TEN1: variants seen among roughly 807,000 people sequenced by gnomAD.
The protein encoded by TEN1 is CST complex subunit TEN1.
A neutral mutation model predicts 9.3 loss-of-function variants in TEN1; 6 were observed. The ratio of observed to expected loss-of-function variants is 0.65; its 90% confidence interval spans 0.35 to 1.27. The LOEUF is 1.27. Among genes scored for constraint, TEN1 ranks in the 50% most tolerant of loss-of-function variants. TEN1 has a pLI of 0.03. For synonymous variants in TEN1, 65 were observed against 65.6 expected (o/e 0.99, Z 0.04); for missense variants, 149 against 158.2 (o/e 0.94, Z 0.31).
At chr17:75,998,043 G>A (rs538509756) in intron 3 of TEN1, among the ~76,000 whole-genome samples, 1 of 151,958 alleles carries the variant, frequency 6.6e-6, no homozygotes, top group East Asian at 1.9e-4. Context: ...GTAGAGACAG[G>A]GTTTCACCAT....
chr17:75,998,167 T>C (rs1488709258), intron 3 of TEN1, among the ~76,000 whole-genome samples: 2 of 146,182 alleles, frequency 1.4e-5, no homozygotes, highest in African/African-American at 5.3e-5. Context: ...CCTTTTTTTT[T>C]CCTTTTTTTT....
intron 2 of TEN1, among the ~76,000 whole-genome samples, chr17:75,987,632 C>T (rs187712788): frequency 6.6e-6 from 1 of 152,140 alleles, no homozygotes; most frequent in East Asian, 1.9e-4. Context: ...GTATTTTAAC[C>T]TAGGCCAGGT....
intron 3 of TEN1, among the ~76,000 whole-genome samples, chr17:75,998,204 G>A (rs141773954): frequency 0.046 from 5,359 of 115,336 alleles, 342 homozygotes; most frequent in African/African-American, 0.16. Flanking sequence ...GTCTCATTCT[G>A]TTTCCCAGGC....
At position 75,991,554 on chromosome 17, in the gene TEN1, T is replaced by A. The variant is rs977512123; in HGVS notation, c.181T>A (p.Leu61Met). The change falls in exon 3 of 4, where the codon TTG becomes ATG. Residue 61 changes from leucine to methionine, a missense_variant. By Grantham distance (15) the Leu-to-Met change is conservative. Coordinates refer to ENST00000397640, the MANE Select transcript of TEN1 (RefSeq NM_001113324.3). ...DQHQVLVCTKLVEPFHAQVGS... is the reference protein window; with the variant it reads ...DQHQVLVCTKMVEPFHAQVGS... ...GCACCAGGTTCTTGTCTGTACCAAG[T>A]TGGTGGAGCCCTTCCACGCCCAGGT... The A allele has an allele frequency of 1.3e-6, 2 of 1,552,266 alleles. No individual in the cohort carries two copies. Among genetic ancestry groups the A allele is most frequent in the Admixed American group, 2.0e-5 (1 of 50,988 alleles).
intron 3 of TEN1, among the ~76,000 whole-genome samples, chr17:75,994,622 C>T (rs1028675545): frequency 1.3e-5 from 2 of 151,510 alleles, no homozygotes; most frequent in African/African-American, 2.4e-5. Context: ...GGATTACAGG[C>T]GCCTGCCACT....
chr17:76,000,177 G>A lies in TEN1; in HGVS notation c.287G>A (p.Cys96Tyr), dbSNP rs1286634889. The change falls in exon 4 of 4, where the codon TGT becomes TAT. Residue 96 changes from cysteine to tyrosine, a missense_variant. Physicochemically the swap from Cys to Tyr is radical, Grantham distance 194. Coordinates refer to ENST00000397640, the MANE Select transcript of TEN1 (RefSeq NM_001113324.3). This position sits in a 1 kb window ranked among gnomAD's most constrained non-coding sequence, Gnocchi z 5.9. ...GSVVKARVLT[C>Y]VEGMNLPLLE... is the part of the protein sequence containing the mutation. ...GTGGTGAAGGCGCGCGTGCTGACCT[G>A]TGTGGAGGGGATGAACCTGCCCTTG... The A allele has an allele frequency of 6.4e-7, 1 of 1,551,568 alleles. No individual in the cohort carries two copies. Among genetic ancestry groups the A allele is most frequent in the East Asian group, 2.4e-5 (1 of 40,920 alleles).
intron 2 of TEN1, among the ~76,000 whole-genome samples, chr17:75,988,240 C>CAA (rs749108730): frequency 0.043 from 3,864 of 89,352 alleles, 91 homozygotes; most frequent in East Asian, 0.19. Context: ...AATTCGGCCT[C>CAA]AAAAAAAAAA....
At chr17:75,980,478 A>C (rs1412070480) in intron 1 of TEN1, among the ~76,000 whole-genome samples, 1 of 150,330 alleles carries the variant, frequency 6.7e-6, no homozygotes, top group African/African-American at 2.5e-5. Flanking sequence ...CCCAGGCTGC[A>C]GTGTGGTGGT....
At chr17:75,990,360 T>C (rs2066177505) in intron 2 of TEN1, among the ~76,000 whole-genome samples, 1 of 152,014 alleles carries the variant, frequency 6.6e-6, no homozygotes, top group African/African-American at 2.4e-5. Flanking sequence ...GATATTCTTA[T>C]GGTAGGGGAA....
At chr17:75,981,912 G>A (rs12601051) in intron 1 of TEN1, among the ~76,000 whole-genome samples, 3,226 of 152,088 alleles carry the variant, frequency 0.021, 78 homozygotes, top group East Asian at 0.14. Flanking sequence ...CTGTAGTCCC[G>A]GCTACTCGGG....
chr17:75,991,265 A>G (rs965047584), intron 2 of TEN1, among the ~76,000 whole-genome samples: 1 of 152,148 alleles, frequency 6.6e-6, no homozygotes, highest in African/African-American at 2.4e-5. Context: ...GAAGGCAAGG[A>G]GATGAAAATT....
Position 75,986,294 on chromosome 17 carries a change from GTTA to G in TEN1, c.92+13_92+15del. The G allele has an allele frequency of 6.5e-7, 1 of 1,541,822 alleles. No homozygotes were observed. Among genetic ancestry groups the G allele is most frequent in the Non-Finnish European group, 8.8e-7 (1 of 1,142,222 alleles). ...TGAGAACATTTGGCAGGTGAGAACGGTTATTTTTTTCACTGGTGGGGGTGATGA... is the reference window on the plus strand; with the variant it reads ...TGAGAACATTTGGCAGGTGAGAACGGTTTTTTTCACTGGTGGGGGTGATGA... On this transcript the variant is annotated intron_variant, in intron 2 of 3. Transcript: ENST00000397640.
intron 3 of TEN1, among the ~76,000 whole-genome samples, chr17:75,995,468 A>G (rs1301789988): frequency 6.6e-6 from 1 of 152,226 alleles, no homozygotes; most frequent in Non-Finnish European, 1.5e-5. Flanking sequence ...CCCTGTGGCC[A>G]GACTGACAGT....
At chr17:75,991,321 T>C in intron 2 of TEN1, 145 bp from the exon 3 acceptor site, 1 of 802,500 alleles carries the variant, frequency 1.2e-6, no homozygotes, top group Non-Finnish European at 2.0e-6. Context: ...AAACATTTTT[T>C]TCTGGTTTGT....
rs71361699 is a variant in TEN1 at position 75,991,149 on chromosome 17, CA to C, written c.93-298del. Among the ~76,000 whole-genome samples the C allele has an allele frequency of 4.0e-3, 278 of 70,202 alleles. 4 individuals carry two copies. Among genetic ancestry groups the C allele is most frequent in the Admixed American group, 0.036 (195 of 5,488 alleles). The allele number at this position is 70,202 out of a possible 152,430, so 46.1% of individuals were successfully genotyped here. On this transcript the variant is annotated intron_variant, in intron 2 of 3. Coordinates refer to ENST00000397640, the MANE Select transcript of TEN1 (RefSeq NM_001113324.3). ...TGGGCAACAAAGCGAGACTCCATCT[CA>C]AAAAAAAAAAAAAAAAAAGAAAAAA... is the stretch of plus-strand genomic sequence containing the variant.
In TEN1 at chr17:75,996,706, CAAAAAAA is replaced by C. The variant is rs35106916; in HGVS notation, c.251-3424_251-3418del. 1.0e-4 allele frequency among the ~76,000 whole-genome samples: 10 copies of C among 95,950 alleles called. No homozygotes were observed. The East Asian group carries it at 2.8e-3, about 26-fold the overall frequency. 62.9% of individuals were successfully genotyped at this position (95,950 alleles called of 152,430 possible). ...CCTGGGTGACAGAGTGAGACCCTGT[CAAAAAAA>C]AAAAAAAAAAGAGAGAGAGAAAGAA... On this transcript the variant is annotated intron_variant, in intron 3 of 3. Transcript: ENST00000397640.
chr17:75,996,291 G>A (rs2066217448), intron 3 of TEN1, among the ~76,000 whole-genome samples: 1 of 152,036 alleles, frequency 6.6e-6, no homozygotes, highest in African/African-American at 2.4e-5. Context: ...TTCGAGACCG[G>A]CCTGACCAAC....
rs1471897574 is a variant in TEN1, at chr17:76,000,496, G to T, written c.*234G>T. 3 of 604,536 alleles carry T rather than the reference G, an allele frequency of 5.0e-6. No individual in the cohort carries two copies. The South Asian group carries it at 7.4e-5, about 15-fold the overall frequency. The allele number at this position is 604,536 out of a possible 1,614,324, so 37.4% of individuals were successfully genotyped here. ...CCACCCCAGGAGACTGCAGGTGGCC[G>T]AGCTTGGGCGCCGGGGCCGTGCTTG... On this transcript the variant is annotated 3_prime_UTR_variant, in exon 4 of 4. Transcript: ENST00000397640. This position sits in a 1 kb window ranked among gnomAD's most constrained non-coding sequence, Gnocchi z 5.9.
intron 2 of TEN1, among the ~76,000 whole-genome samples, chr17:75,987,375 T>C (rs565758858): frequency 5.9e-5 from 9 of 152,198 alleles, no homozygotes; most frequent in South Asian, 2.1e-4. Flanking sequence ...TTCTCTGTAG[T>C]TCTGTGTGAG....
Sources: gnomAD v4.1 joint callset for allele counts (sites outside exome capture counted in the v4.1 genomes callset) on GRCh38, gnomAD v4.1.1 for gene constraint, Gnocchi (gnomAD v3.1) non-coding constraint, MANE v1.5 for transcripts, NCBI Gene and HGNC (gene_info 2026-07-23, HGNC 2026-07-21) for gene names.